GDA: variants seen among roughly 807,000 people sequenced by gnomAD.
GDA encodes the protein guanine deaminase.
In GDA, 18 loss-of-function variants were observed where a neutral mutation model predicts 59.6. That is an observed-to-expected ratio of 0.30 (90% confidence interval 0.21 to 0.45). The LOEUF is 0.45. Among genes scored for constraint, GDA ranks in the 20% least tolerant of loss-of-function variants. GDA has a pLI of 1.00. For synonymous variants in GDA, 201 were observed against 201.1 expected, an observed-to-expected ratio of 1.00 and a Z score of 0.00; for missense variants, 427 against 552.3, an observed-to-expected ratio of 0.77 and a Z score of 2.27.
Position 72,202,607 on chromosome 9 carries a change from C to T in GDA, c.249C>T (p.Ile83=), listed in dbSNP as rs1446633717. The change falls in exon 3 of 14, where the codon ATC becomes ATT. Residue 83 remains isoleucine (I), a synonymous_variant. Transcript: ENST00000358399. ...FFMPGLVDTH[I]HASQYSFAGS... is the part of the protein sequence containing the mutation. Reference sequence around the variant, plus strand: ...TGCCTGGGCTGGTTGATACACACATCCATGCCTCTCAGTATTCCTTTGCTG... The same window carrying T: ...TGCCTGGGCTGGTTGATACACACATTCATGCCTCTCAGTATTCCTTTGCTG... 6.2e-6 allele frequency: 10 copies of T among 1,611,774 alleles called. No homozygotes were observed. The highest frequency in any genetic ancestry group is 1.3e-5 in the African/African-American group (1 of 74,888).
rs1246810417 is a variant in GDA at position 72,202,846 on chromosome 9, G to C, written c.384+104G>C. On this transcript the variant is annotated intron_variant, in intron 3 of 13. Coordinates refer to ENST00000358399, the MANE Select transcript of GDA (RefSeq NM_004293.5). ...ATAAAGCATAAGCAGTTAAGCCTAA[G>C]ATGGGCCATAGAGAATTTTTAAGTT... is the stretch of plus-strand genomic sequence containing the variant. The C allele has an allele frequency of 7.0e-6, 6 of 854,542 alleles. No homozygotes were observed. In the African/African-American group the frequency reaches 1.0e-4, roughly 15 times the overall value. The allele number at this position is 854,542 out of a possible 1,614,324, so 52.9% of individuals were successfully genotyped here.
intron 10 of GDA, among the ~76,000 whole-genome samples, chr9:72,235,487 G>C (rs1838870007): frequency 6.6e-6 from 1 of 152,130 alleles, no homozygotes; most frequent in Non-Finnish European, 1.5e-5. Flanking sequence ...AAGGCTGAGA[G>C]GAGGATGTAT....
intron 1 of GDA, among the ~76,000 whole-genome samples, chr9:72,124,734 A>G (rs1264554222): frequency 6.6e-6 from 1 of 151,938 alleles, no homozygotes. Flanking sequence ...TTGTTATATG[A>G]TGGAGGTGGC....
chr9:72,197,301 C>G (rs186761759), intron 2 of GDA, among the ~76,000 whole-genome samples: 188 of 152,310 alleles, frequency 1.2e-3, no homozygotes, highest in African/African-American at 4.3e-3. Context: ...TCCCTGCTGC[C>G]TCTCTATGGG....
At chr9:72,216,679 A>AT (rs201725609) in intron 5 of GDA, among the ~76,000 whole-genome samples, 6,809 of 145,734 alleles carry the variant, frequency 0.047, 187 homozygotes, top group African/African-American at 0.079. Context: ...AGGAAAAACT[A>AT]TTTTTTTTTT....
chr9:72,120,790 A>C (rs1208402148), intron 1 of GDA, among the ~76,000 whole-genome samples: 1 of 152,144 alleles, frequency 6.6e-6, no homozygotes, highest in African/African-American at 2.4e-5. Flanking sequence ...TCCACCACCT[A>C]CCCTTTAACA....
intron 10 of GDA, among the ~76,000 whole-genome samples, chr9:72,236,056 A>T (rs1294840533): frequency 6.6e-6 from 1 of 152,144 alleles, no homozygotes; most frequent in African/African-American, 2.4e-5. Context: ...TAGTCCAATG[A>T]CTCCATGCTT....
At chr9:72,161,063 A>ATT (rs35376951) in intron 1 of GDA, among the ~76,000 whole-genome samples, 154 of 141,616 alleles carry the variant, frequency 1.1e-3, no homozygotes, top group Middle Eastern at 3.6e-3. Flanking sequence ...TTTGCCACTA[A>ATT]TTTTTTTTTT....
At chr9:72,255,626 T>G (rs1840865988), downstream of GDA, among the ~76,000 whole-genome samples, 1 of 152,208 alleles carries the variant, frequency 6.6e-6, no homozygotes, top group Admixed American at 6.5e-5. Flanking sequence ...AAAGATGAAT[T>G]GGCAACTTAC....
chr9:72,216,116 A>G (rs62561987), intron 5 of GDA, among the ~76,000 whole-genome samples: 14,662 of 152,284 alleles, frequency 0.096, 812 homozygotes, highest in Middle Eastern at 0.15. Flanking sequence ...GGCTCAGGAA[A>G]GTTGCCCAAG....
intron 1 of GDA, among the ~76,000 whole-genome samples, chr9:72,126,577 T>TTTTC (rs1825855917): frequency 6.6e-6 from 1 of 150,832 alleles, no homozygotes; most frequent in Non-Finnish European, 1.5e-5. Context: ...TTTTTTTTTT[T>TTTTC]TTTTTTTGAG....
At chr9:72,217,374 C>G (rs890797504) in intron 5 of GDA, among the ~76,000 whole-genome samples, 1 of 152,096 alleles carries the variant, frequency 6.6e-6, no homozygotes, top group African/African-American at 2.4e-5. Flanking sequence ...AGCATTCTTC[C>G]CCTCACTTTT....
chr9:72,143,352 C>T (rs1289329425), intron 1 of GDA, among the ~76,000 whole-genome samples: 2 of 151,916 alleles, frequency 1.3e-5, no homozygotes, highest in Non-Finnish European at 2.9e-5. Flanking sequence ...TGGTCTCGAA[C>T]TCCTGACCTC....
chr9:72,255,396 G>C (rs564033443), downstream of GDA, among the ~76,000 whole-genome samples: 41 of 152,260 alleles, frequency 2.7e-4, no homozygotes, highest in Middle Eastern at 0.01. Context: ...CCATCTGCTG[G>C]TTCCTACCAG....
At chr9:72,190,215 C>T in intron 1 of GDA, among the ~76,000 whole-genome samples, 1 of 152,172 alleles carries the variant, frequency 6.6e-6, no homozygotes. Flanking sequence ...GCAACCTCCG[C>T]CTCCCAGGTC....
At chr9:72,223,439 G>C (rs1043201125) in intron 7 of GDA, among the ~76,000 whole-genome samples, 3 of 152,144 alleles carry the variant, frequency 2.0e-5, no homozygotes, top group African/African-American at 7.2e-5. Flanking sequence ...GAAACCTGAA[G>C]TTCCTTATAC....
At chr9:72,247,083 TC>T (rs1489478508) in intron 12 of GDA, among the ~76,000 whole-genome samples, 1 of 152,184 alleles carries the variant, frequency 6.6e-6, no homozygotes, top group Non-Finnish European at 1.5e-5. Context: ...TTGTCTTACA[TC>T]ATACCCGTCT....
intron 3 of GDA, among the ~76,000 whole-genome samples, chr9:72,204,807 A>C (rs538889865): frequency 6.6e-4 from 101 of 152,196 alleles, no homozygotes; most frequent in South Asian, 3.3e-3. Context: ...TAAGTATTTG[A>C]TGTCAGGCCG....
intron 1 of GDA, among the ~76,000 whole-genome samples, chr9:72,179,898 A>G (rs1379446270): frequency 2.0e-5 from 3 of 151,740 alleles, no homozygotes; most frequent in Non-Finnish European, 4.4e-5. Context: ...ATTAGGGCCT[A>G]TCCTAATGAT....
Sources: gnomAD v4.1 joint callset for allele counts (sites outside exome capture counted in the v4.1 genomes callset) on GRCh38, gnomAD v4.1.1 for gene constraint, MANE v1.5 for transcripts, NCBI Gene and HGNC (gene_info 2026-07-23, HGNC 2026-07-21) for gene names.